Variants in GRIP1 observed in about 807,000 individuals in gnomAD.
The protein encoded by GRIP1 is glutamate receptor-interacting protein 1.
A neutral mutation model predicts 129.9 loss-of-function variants in GRIP1; 45 were observed. The observed-to-expected ratio is 0.35, with a 90% CI of 0.27 to 0.44. GRIP1 has a LOEUF of 0.44. Among genes scored for constraint, GRIP1 ranks in the 20% least tolerant of loss-of-function variants. The probability of loss-of-function intolerance (pLI) is 1.00; values close to 1 mark genes in which losing one functional copy is unlikely to be tolerated. For synonymous variants in GRIP1, 530 were observed against 520.8 expected (o/e 1.02, Z -0.24); for missense variants, 1,196 against 1,396.8 (o/e 0.86, Z 2.29).
At chr12:66,707,207 C>T (rs1056500519) in intron 1 of GRIP1, among the ~76,000 whole-genome samples, 6 of 151,852 alleles carry the variant, frequency 4.0e-5, no homozygotes, top group African/African-American at 1.5e-4. Flanking sequence ...CCAAAGTCCA[C>T]ATGCTCTTAG....
rs953210754 is a variant in GRIP1, at chr12:66,878,900, G to A, written c.58+190150C>T. ...ATTGGAACAACAGCTTGTAGGAGGT[G>A]AGAATCTATGTAACAGGGATTCAGG... On this transcript the variant is annotated intron_variant, in intron 1 of 1. Coordinates refer to the GRIP1 transcript ENST00000643019. 2.6e-5 allele frequency among the ~76,000 whole-genome samples: 4 copies of A among 152,058 alleles called. No individual in the cohort carries two copies. The East Asian group carries it at 5.8e-4, about 22-fold the overall frequency.
In GRIP1 at chr12:66,962,837, TATTA is replaced by T. The variant is rs143341668; in HGVS notation, c.58+106209_58+106212del. 6.4e-3 allele frequency among the ~76,000 whole-genome samples: 968 copies of T among 152,284 alleles called. 12 individuals are homozygous for T. The highest frequency in any genetic ancestry group is 0.022 in the African/African-American group (902 of 41,552). On this transcript the variant is annotated intron_variant, in intron 1 of 1. Coordinates refer to the GRIP1 transcript ENST00000643019. ...ATACATAGGTATATTAATAACTTAA[TATTA>T]ATTAAAGTTCAATGTGTATTTTAAT...
chr12:66,656,610 A>T (rs1345798815), intron 1 of GRIP1, among the ~76,000 whole-genome samples: 1 of 152,186 alleles, frequency 6.6e-6, no homozygotes, highest in Non-Finnish European at 1.5e-5. Context: ...AGAGGGAAAA[A>T]ATTAAAATGG....
At chr12:66,993,167 T>G (rs185446758) in intron 1 of GRIP1, among the ~76,000 whole-genome samples, 237 of 149,454 alleles carry the variant, frequency 1.6e-3, no homozygotes, top group African/African-American at 5.5e-3. Context: ...TTAATGAAAA[T>G]TAAAATATAC....
intron 1 of GRIP1, among the ~76,000 whole-genome samples, chr12:66,615,698 G>A (rs987528771): frequency 1.3e-5 from 2 of 152,148 alleles, no homozygotes; most frequent in African/African-American, 4.8e-5. Flanking sequence ...ACTGGAGTAT[G>A]CAGTGGTGTG....
chr12:66,352,190 C>T (rs768748825), intron 24 of GRIP1, among the ~76,000 whole-genome samples: 1 of 152,158 alleles, frequency 6.6e-6, no homozygotes, highest in African/African-American at 2.4e-5. Context: ...AAGCAAATAA[C>T]TAGCATCATC....
At chr12:66,717,605 T>A (rs1389012706) in intron 1 of GRIP1, among the ~76,000 whole-genome samples, 1 of 152,160 alleles carries the variant, frequency 6.6e-6, no homozygotes, top group Non-Finnish European at 1.5e-5. Context: ...TTTCTATTAG[T>A]GCCGTTGAAA....
chr12:66,826,221 A>G (rs921540036), intron 1 of GRIP1, among the ~76,000 whole-genome samples: 3 of 152,118 alleles, frequency 2.0e-5, no homozygotes, highest in Non-Finnish European at 2.9e-5. Context: ...CAAACACCTC[A>G]TGTTCTCACT....
intron 1 of GRIP1, among the ~76,000 whole-genome samples, chr12:66,942,350 T>C (rs2041600138): frequency 6.6e-6 from 1 of 152,176 alleles, no homozygotes; most frequent in African/African-American, 2.4e-5. Context: ...GTTTTCTTCA[T>C]TCACAAAACT....
At chr12:66,446,248 C>G (rs1472945657) in intron 11 of GRIP1, among the ~76,000 whole-genome samples, 1 of 152,082 alleles carries the variant, frequency 6.6e-6, no homozygotes, top group Non-Finnish European at 1.5e-5. Flanking sequence ...CAGCAGACAT[C>G]TCCATCTTAT....
At chr12:67,023,436 C>T (rs1050861560) in intron 1 of GRIP1, among the ~76,000 whole-genome samples, 2 of 152,118 alleles carry the variant, frequency 1.3e-5, no homozygotes, top group Non-Finnish European at 2.9e-5. Context: ...AGTAGTTACC[C>T]GTAAATGTGT....
chr12:66,462,917 A>C lies in GRIP1; in HGVS notation c.1042+7T>G. 6.2e-7 allele frequency: 1 copy of C among 1,611,222 alleles called. No homozygotes were observed. Among genetic ancestry groups the C allele is most frequent in the Non-Finnish European group, 8.5e-7 (1 of 1,178,328 alleles). On this transcript the variant is annotated splice_region_variant and intron_variant, in intron 9 of 24. Transcript: ENST00000359742. ...AGAAAGAGCTTGATCCAGGTGGACC[A>C]TCTCACCATGGTCGGGCCCCTTTAG...
At chr12:66,764,578 ACTGAAACCCCAT>A (rs1301742664) in intron 1 of GRIP1, among the ~76,000 whole-genome samples, 1 of 152,256 alleles carries the variant, frequency 6.6e-6, no homozygotes, top group Non-Finnish European at 1.5e-5. Flanking sequence ...GGTTACAATT[ACTGAAACCCCAT>A]CTATGATTTG....
intron 1 of GRIP1, among the ~76,000 whole-genome samples, chr12:66,906,529 G>A (rs182587072): frequency 3.9e-5 from 6 of 152,114 alleles, no homozygotes; most frequent in Non-Finnish European, 8.8e-5. Flanking sequence ...ATGAAAGCAA[G>A]TTACCAATAC....
Position 66,347,767 on chromosome 12 carries a change from T to TA in GRIP1, c.*1251dup, listed in dbSNP as rs1555169185. 3 of 149,664 alleles carry TA rather than the reference T, an allele frequency of 2.0e-5. No individual in the cohort carries two copies. The highest frequency in any genetic ancestry group is 2.0e-4 in the East Asian group (1 of 5,070). The allele number at this position is 149,664 out of a possible 1,614,324, so 9.3% of individuals were successfully genotyped here. A position where few individuals can be genotyped will look rare whatever the true frequency, so the allele number is the denominator to read the frequency against. ...ACAAAAAGAAAGGTGATTTTTTTTTTATATTTCCTTAAACAAAGGACACAG... is the reference window on the plus strand; with the variant it reads ...ACAAAAAGAAAGGTGATTTTTTTTTTAATATTTCCTTAAACAAAGGACACAG... On this transcript the variant is annotated 3_prime_UTR_variant, in exon 25 of 25. Transcript: ENST00000359742.
At chr12:66,827,577 G>A (rs990522492) in intron 1 of GRIP1, among the ~76,000 whole-genome samples, 1 of 152,132 alleles carries the variant, frequency 6.6e-6, no homozygotes, top group Non-Finnish European at 1.5e-5. Context: ...CTCAAGGGGA[G>A]GGGATCACAC....
chr12:67,050,841 A>C (rs975240587), intron 1 of GRIP1, among the ~76,000 whole-genome samples: 1 of 152,146 alleles, frequency 6.6e-6, no homozygotes, highest in African/African-American at 2.4e-5. Flanking sequence ...GGCACAATGA[A>C]CTTTCATATA....
intron 1 of GRIP1, among the ~76,000 whole-genome samples, chr12:66,842,356 T>G (rs2039734866): frequency 6.6e-6 from 1 of 152,102 alleles, no homozygotes; most frequent in African/African-American, 2.4e-5. Context: ...TATATCATGA[T>G]TTGGTTAATC....
rs553225319 is a variant in GRIP1 at position 66,697,100 on chromosome 12, T to C, written c.-419-66764A>G. On this transcript the variant is annotated intron_variant, in intron 1 of 4. Transcript: ENST00000538373. The stretch of plus-strand genomic sequence containing the variant: ...CAGGTGCTTTATAAACATTTGGTAG[T>C]GAATGAATGAAGGAACAAGCAAATG... Among the ~76,000 whole-genome samples the C allele has an allele frequency of 2.6e-5, 4 of 152,090 alleles. No homozygotes were observed. In the South Asian group the frequency reaches 8.3e-4, roughly 31 times the overall value.
Sources: gnomAD v4.1 joint callset for allele counts (sites outside exome capture counted in the v4.1 genomes callset) on GRCh38, gnomAD v4.1.1 for gene constraint, MANE v1.5 for transcripts, NCBI Gene and HGNC (gene_info 2026-07-23, HGNC 2026-07-21) for gene names.